The following MUC17 variants were observed in gnomAD, a reference collection of about 807,000 sequenced individuals.
MUC17 encodes the protein mucin 17, cell surface associated, also known as mucin-17.
MUC17 carries 190 observed loss-of-function variants against 170.3 expected under a neutral mutation model. That is an observed-to-expected ratio of 1.12 (90% CI 0.99 to 1.26). MUC17 has a LOEUF of 1.26. Among genes scored for constraint, MUC17 ranks in the 50% most tolerant of loss-of-function variants. The pLI is 0.00. For synonymous variants in MUC17, 2,325 were observed against 2,002.5 expected (o/e 1.16, Z -4.30); for missense variants, 6,415 against 5,530.0 (o/e 1.16, Z -5.08).
chr7:101,043,234 T>A lies in MUC17; in HGVS notation c.11818T>A (p.Phe3940Ile). Residue 3940 changes from phenylalanine (F) to isoleucine (I), a missense_variant, in exon 3 of 13, where the codon TTT becomes ATT. Transcript: ENST00000306151. The stretch of plus-strand genomic sequence containing the variant: ...AGGAAGCACACCTGGGACAACCATT[T>A]TTATTCCCAGCACTCCTGTCACCAG... Reference protein sequence around the residue: ...TEGSTPGTTIFIPSTPVTSST... With the variant: ...TEGSTPGTTIIIPSTPVTSST... The A allele has an allele frequency of 6.2e-7, 1 of 1,614,186 alleles. No homozygotes were observed. The highest frequency in any genetic ancestry group is 8.5e-7 in the Non-Finnish European group (1 of 1,180,040).
At position 101,039,514 on chromosome 7, in the gene MUC17, A is replaced by C. The variant is rs777363107; in HGVS notation, c.8098A>C (p.Ser2700Arg). The change falls in exon 3 of 13, where the codon AGC (serine) becomes CGC (arginine). Residue 2700 changes from serine to arginine, a missense_variant. Ser to Arg is a moderately radical substitution (Grantham distance 110, BLOSUM62 -1). Coordinates refer to ENST00000306151, the MANE Select transcript of MUC17 (RefSeq NM_001040105.2). ...CACTCCATTAACAAATATACTTGTC[A>C]GCACCACGCTGTTGGCCAATTCTGA... The part of the protein sequence containing the change: ...RSTPLTNILV[S>R]TTLLANSEAS... 6.2e-7 allele frequency: 1 copy of C among 1,610,756 alleles called. No individual in the cohort carries two copies. The highest frequency in any genetic ancestry group is 2.2e-5 in the East Asian group (1 of 44,636).
In MUC17 at chr7:101,042,886, A is replaced by G. The variant is rs752722295; in HGVS notation, c.11470A>G (p.Ile3824Val). ...TLLTTVLISP[I>V]SVMSPSEAST... ...ATTGACAACTGTCCTCATCAGCCCT[A>G]TATCTGTGATGAGTCCTTCTGAGGC... The change falls in exon 3 of 13, where the codon ATA becomes GTA. Residue 3824 changes from isoleucine (I) to valine (V), a missense_variant. Ile to Val is a conservative substitution (Grantham distance 29). Coordinates refer to ENST00000306151, the MANE Select transcript of MUC17 (RefSeq NM_001040105.2). The G allele has an allele frequency of 1.9e-6, 3 of 1,614,074 alleles. No individual in the cohort carries two copies. The highest frequency in any genetic ancestry group is 2.2e-5 in the East Asian group (1 of 44,872).
Position 101,041,536 on chromosome 7 carries a change from T to G in MUC17, c.10120T>G (p.Ser3374Ala), listed in dbSNP as rs1000140890. The change falls in exon 3 of 13, where the codon TCT becomes GCT. Residue 3374 changes from serine (S) to alanine (A), a missense_variant. Ser to Ala is a moderately conservative substitution (Grantham distance 99). Transcript: ENST00000306151. Reference sequence around the variant, plus strand: ...TGACACCAGCACACCTGTCACCACTTCTACTGAAGCCAGTTTATCTCCTAC... The same window carrying G: ...TGACACCAGCACACCTGTCACCACTGCTACTGAAGCCAGTTTATCTCCTAC... ...PVDTSTPVTT[S>A]TEASLSPTTA... 1 of 1,613,068 alleles carries G rather than the reference T, an allele frequency of 6.2e-7. No homozygotes were observed. Among genetic ancestry groups the G allele is most frequent in the Non-Finnish European group, 8.5e-7 (1 of 1,179,792 alleles).
rs927324134 is a variant in MUC17 at position 101,053,285 on chromosome 7, C to A, written c.13266-54C>A. 1.6e-5 allele frequency: 25 copies of A among 1,588,778 alleles called. No homozygotes were observed. In the African/African-American group the frequency reaches 2.8e-4, roughly 18 times the overall value. Reference sequence around the variant, plus strand: ...AATGGGGATACAGCTTGTCCCTGGTCCTTATTCCTGTTCCCCAATCCTAAT... The same window carrying A: ...AATGGGGATACAGCTTGTCCCTGGTACTTATTCCTGTTCCCCAATCCTAAT... On this transcript the variant is annotated intron_variant, in intron 10 of 12. Transcript: ENST00000306151.
chr7:101,038,007 A>G lies in MUC17; in HGVS notation c.6591A>G (p.Glu2197=), dbSNP rs1328262283. The part of the protein sequence containing the change: ...DTSTPVTNST[E]ARSSPTTSEG... ...GCACACCTGTGACCAATTCTACTGA[A>G]GCCCGTTCATCTCCTACAACTTCTG... Residue 2197 remains glutamate (E), a synonymous_variant, in exon 3 of 13, where the codon GAA becomes GAG. Transcript: ENST00000306151. 4.4e-6 allele frequency: 7 copies of G among 1,608,190 alleles called. No individual in the cohort carries two copies. In the South Asian group the frequency reaches 7.8e-5, roughly 18 times the overall value.
In MUC17 at chr7:101,039,953, A is replaced by C. The variant is rs1248502287; in HGVS notation, c.8537A>C (p.Lys2846Thr). ...AGCACACCTGTGACCACTTCTACTA[A>C]AGCCAGTTCATCTCCTACAACTGCT... ...DTSTPVTTST[K>T]ASSSPTTAEG... Residue 2846 changes from lysine to threonine, a missense_variant, in exon 3 of 13, where the codon AAA becomes ACA. Transcript: ENST00000306151. 10 of 1,613,244 alleles carry C rather than the reference A, an allele frequency of 6.2e-6. No homozygotes were observed. In the Admixed American group the frequency reaches 1.7e-4, roughly 27 times the overall value.
Position 101,032,257 on chromosome 7 carries a change from C to A in MUC17, c.841C>A (p.Pro281Thr), listed in dbSNP as rs150719489. ...AGGAAGCACTCCATTAACAAGAATG[C>A]CTCTCAGCGTGATGCTGGTGGTCAG... ...SGGSTPLTRM[P>T]LSVMLVVSSE... The change falls in exon 3 of 13, where the codon CCT (proline) becomes ACT (threonine). Residue 281 changes from proline to threonine, a missense_variant. Physicochemically the swap from Pro to Thr is conservative, Grantham distance 38. Coordinates refer to ENST00000306151, the MANE Select transcript of MUC17 (RefSeq NM_001040105.2). 8,320 of 1,613,782 alleles carry A rather than the reference C, an allele frequency of 5.2e-3. 32 individuals carry two copies. The highest frequency in any genetic ancestry group is 6.5e-3 in the Non-Finnish European group (7,677 of 1,179,810).
At chr7:101,045,534 C>G (rs760683973) in intron 3 of MUC17, among the ~76,000 whole-genome samples, 3 of 152,094 alleles carry the variant, frequency 2.0e-5, no homozygotes, top group Non-Finnish European at 2.9e-5. Flanking sequence ...GCTGGGATTA[C>G]AGAGCACACC....
In MUC17 at chr7:101,037,395, C is replaced by T; in HGVS notation, c.5979C>T (p.Ser1993=). 2 of 1,613,584 alleles carry T rather than the reference C, an allele frequency of 1.2e-6. No homozygotes were observed. The highest frequency in any genetic ancestry group is 8.5e-7 in the Non-Finnish European group (1 of 1,179,638). Residue 1993 remains serine (S), a synonymous_variant, in exon 3 of 13, where the codon AGC becomes AGT. Coordinates refer to ENST00000306151, the MANE Select transcript of MUC17 (RefSeq NM_001040105.2). ...GSTPLTSMPL[S]TTLVVSSEAS... is the part of the protein sequence containing the mutation. ...CTCCACTAACAAGTATGCCTCTCAG[C>T]ACCACGCTGGTGGTCAGTTCTGAGG...
At chr7:101,026,855 C>T (rs1194400377) in intron 1 of MUC17, among the ~76,000 whole-genome samples, 2 of 152,138 alleles carry the variant, frequency 1.3e-5, no homozygotes, top group African/African-American at 2.4e-5. Context: ...CCTGGGACTA[C>T]AGGCACGCAC....
intron 3 of MUC17, among the ~76,000 whole-genome samples, chr7:101,047,225 A>G (rs1794858261): frequency 6.6e-6 from 1 of 152,222 alleles, no homozygotes. Flanking sequence ...GGGCTTTTCC[A>G]AAGCGGGTGT....
chr7:101,039,605 G>T lies in MUC17; in HGVS notation c.8189G>T (p.Ser2730Ile). The change falls in exon 3 of 13, where the codon AGT (serine) becomes ATT (isoleucine). Residue 2730 changes from serine (S) to isoleucine (I), a missense_variant. Physicochemically the swap from Ser to Ile is moderately radical, Grantham distance 142. Coordinates refer to ENST00000306151, the MANE Select transcript of MUC17 (RefSeq NM_001040105.2). ...STPVTTSAEA[S>I]SSPTTAEGTS... ...CCTGTCACCACTTCTGCTGAAGCCA[G>T]TTCTTCTCCTACAACTGCTGAAGGT... 2 of 1,612,868 alleles carry T rather than the reference G, an allele frequency of 1.2e-6. No homozygotes were observed. The highest frequency in any genetic ancestry group is 2.2e-5 in the East Asian group (1 of 44,818).
At position 101,050,502 on chromosome 7, in the gene MUC17, G is replaced by A. The variant is rs961062348; in HGVS notation, c.12741G>A (p.Val4247=). Reference sequence around the variant, plus strand: ...TCTTCAGTCTTGGCAGTGTGGTGGTGGAGCATGACGTCCTCCTAAGAACCA... The same window carrying A: ...TCTTCAGTCTTGGCAGTGTGGTGGTAGAGCATGACGTCCTCCTAAGAACCA... ...ITKLRLGSVV[V]EHDVLLRTKY... Residue 4247 remains valine (V), a synonymous_variant, in exon 7 of 13, where the codon GTG becomes GTA. Transcript: ENST00000306151. 2 of 1,613,722 alleles carry A rather than the reference G, an allele frequency of 1.2e-6. No individual in the cohort carries two copies. Among genetic ancestry groups the A allele is most frequent in the Admixed American group, 1.7e-5 (1 of 59,968 alleles).
rs2116446029 is a variant in MUC17 at position 101,039,900 on chromosome 7, C to A, written c.8484C>A (p.Gly2828=). 6.2e-7 allele frequency: 1 copy of A among 1,613,274 alleles called. No individual in the cohort carries two copies. The highest frequency in any genetic ancestry group is 1.3e-5 in the African/African-American group (1 of 74,844). The change falls in exon 3 of 13, where the codon GGC becomes GGA. Residue 2828 remains glycine (G), a synonymous_variant. Coordinates refer to ENST00000306151, the MANE Select transcript of MUC17 (RefSeq NM_001040105.2). ...CGCCAGTGGCCAGTTCTGAGGCTGG[C>A]ACCCTTTCAACAACTCCTGTTGACA... is the stretch of plus-strand genomic sequence containing the variant. The part of the protein sequence containing the change: ...NHTPVASSEA[G]TLSTTPVDTS...
In MUC17 at chr7:101,036,967, C is replaced by A. The variant is rs146323653; in HGVS notation, c.5551C>A (p.Pro1851Thr). The change falls in exon 3 of 13, where the codon CCT becomes ACT. Residue 1851 changes from proline (P) to threonine (T), a missense_variant. Physicochemically the swap from Pro to Thr is conservative, Grantham distance 38 (BLOSUM62 -1). Transcript: ENST00000306151. Reference sequence around the variant, plus strand: ...TACAGCAGTCAGTTCATCTCCTACACCTGCTGAAGGTACCAGCATAGCAAC... The same window carrying A: ...TACAGCAGTCAGTTCATCTCCTACAACTGCTGAAGGTACCAGCATAGCAAC... ...TSTAVSSSPTPAEGTSIATST... is the reference protein window; with the variant it reads ...TSTAVSSSPTTAEGTSIATST... 2.7e-3 allele frequency: 4,300 copies of A among 1,571,458 alleles called. 26 individuals are homozygous for A. The highest frequency in any genetic ancestry group is 0.025 in the South Asian group (1,893 of 76,804).
At position 101,052,952 on chromosome 7, in the gene MUC17, C is replaced by G. The variant is rs756299454; in HGVS notation, c.13104-34C>G. ...CTGAAGCTGGTGCTGACTCCGTTCT[C>G]TCTCCCCAACCTGCCGCTTCTCTCC... On this transcript the variant is annotated intron_variant, in intron 9 of 12. Coordinates refer to ENST00000306151, the MANE Select transcript of MUC17 (RefSeq NM_001040105.2). The G allele has an allele frequency of 1.0e-5, 16 of 1,595,680 alleles. No individual in the cohort carries two copies. In the Admixed American group the frequency reaches 1.2e-4, roughly 12 times the overall value.
chr7:101,025,389 A>G (rs1489205496), intron 1 of MUC17, among the ~76,000 whole-genome samples: 1 of 149,664 alleles, frequency 6.7e-6, no homozygotes, highest in African/African-American at 2.5e-5. Flanking sequence ...GAGGCTTGGC[A>G]TGGTGGCTTA....
In MUC17 at chr7:101,040,578, C is replaced by T; in HGVS notation, c.9162C>T (p.Ser3054=). The part of the protein sequence containing the change: ...GSTPLTSIPV[S]TTPVAIPEAS... ...CTCCATTAACAAGTATACCTGTCAGCACCACGCCAGTGGCCATTCCTGAGG... is the reference window on the plus strand; with the variant it reads ...CTCCATTAACAAGTATACCTGTCAGTACCACGCCAGTGGCCATTCCTGAGG... The change falls in exon 3 of 13, where the codon AGC becomes AGT. Residue 3054 remains serine, a synonymous_variant. Coordinates refer to ENST00000306151, the MANE Select transcript of MUC17 (RefSeq NM_001040105.2). 6.2e-7 allele frequency: 1 copy of T among 1,613,048 alleles called. No homozygotes were observed. The highest frequency in any genetic ancestry group is 8.5e-7 in the Non-Finnish European group (1 of 1,179,686).
Position 101,058,395 on chromosome 7 carries a change from C to T in MUC17, c.*351C>T, listed in dbSNP as rs76767333. 0.075 allele frequency: 13,968 copies of T among 186,164 alleles called. 715 individuals carry two copies. The highest frequency in any genetic ancestry group is 0.11 in the Non-Finnish European group (9,803 of 89,008). 11.5% of individuals were successfully genotyped at this position (186,164 alleles called of 1,614,324 possible). A position where few individuals can be genotyped will look rare whatever the true frequency, so the allele number is the denominator to read the frequency against. ...TGAGCAGGCGGGTGTCCCCGTCCTC[C>T]CTCACTGCCCCATATGTGTCCCTCC... On this transcript the variant is annotated 3_prime_UTR_variant, in exon 13 of 13. Coordinates refer to ENST00000306151, the MANE Select transcript of MUC17 (RefSeq NM_001040105.2).
Sources: gnomAD v4.1 joint callset for allele counts (sites outside exome capture counted in the v4.1 genomes callset) on GRCh38, gnomAD v4.1.1 for gene constraint, MANE v1.5 for transcripts, NCBI Gene and HGNC (gene_info 2026-07-23, HGNC 2026-07-21) for gene names.